The following FLNA variants were observed in gnomAD, a reference collection of about 807,000 sequenced individuals.
FLNA encodes filamin A, also known as filamin-A.
FLNA carries 7 observed loss-of-function variants against 157.6 expected under a neutral mutation model. The ratio of observed to expected loss-of-function variants is 0.04; its 90% CI spans 0.03 to 0.08. The LOEUF (loss-of-function observed/expected upper bound fraction) is 0.08. FLNA is among the 10% of genes least tolerant of loss of function. The pLI is 1.00. For synonymous variants in FLNA, 1,103 were observed against 1,060.8 expected, an observed-to-expected ratio of 1.04 and a Z score of -0.77; for missense variants, 1,750 against 2,398.4, an observed-to-expected ratio of 0.73 and a Z score of 5.65.
At position 154,367,939 on chromosome X, in the gene FLNA, C is replaced by G; in HGVS notation, c.525G>C (p.Trp175Cys). Residue 175 changes from tryptophan (W) to cysteine (C), a missense_variant, in exon 3 of 48, where the codon TGG becomes TGC. Physicochemically the swap from Trp to Cys is radical, Grantham distance 215 (BLOSUM62 -2). Around this residue, in one of 5 missense-constraint regions of FLNA, gnomAD observed 71 missense variants for 239.5 expected, o/e 0.30. Coordinates refer to ENST00000369850, the MANE Select transcript of FLNA (RefSeq NM_001110556.2). Reference protein sequence around the residue: ...KQTPKQRLLGWIQNKLPQLPI... With the variant: ...KQTPKQRLLGCIQNKLPQLPI... ...GCAGCTGCGGCAGCTTGTTCTGGATCCAGCCCAGGAGCCTCTGCTTGGGGG... is the reference window on the plus strand; with the variant it reads ...GCAGCTGCGGCAGCTTGTTCTGGATGCAGCCCAGGAGCCTCTGCTTGGGGG... 8.3e-7 allele frequency: 1 copy of G among 1,211,393 alleles called. No individual in the cohort carries two copies. Among genetic ancestry groups the G allele is most frequent in the Non-Finnish European group, 1.1e-6 (1 of 895,487 alleles).
At chrX:154,351,806 G>C in intron 42 of FLNA, 78 bp downstream of exon 42, 1 of 1,170,477 alleles carries the variant, frequency 8.5e-7, no homozygotes, top group Non-Finnish European at 1.2e-6. Context: ...GTGCCAGGCA[G>C]GGCTATCTGT....
intron 1 of FLNA, among the ~76,000 whole-genome samples, chrX:154,371,885 C>G (rs1200802839): frequency 1.8e-5 from 2 of 113,551 alleles, no homozygotes; most frequent in Non-Finnish European, 3.8e-5. Context: ...ACCCTAAGAG[C>G]GAACCCCTGG....
Position 154,366,720 on chromosome X carries a change from A to T in FLNA, c.987+12T>A, listed in dbSNP as rs368561845. On this transcript the variant is annotated intron_variant, in intron 6 of 47. Transcript: ENST00000369850. ...GCGCTGCGGGGCCTCTGCTGCCAGC[A>T]GCTGGCCCTACCTCCTCCTGGTGTC... 8.3e-7 allele frequency: 1 copy of T among 1,199,700 alleles called. No individual in the cohort carries two copies. Among genetic ancestry groups the T allele is most frequent in the Non-Finnish European group, 1.1e-6 (1 of 885,085 alleles).
At chrX:154,366,496 G>C in intron 7 of FLNA, 26 bp from the exon 8 acceptor site, 1 of 1,210,481 alleles carries the variant, frequency 8.3e-7, no homozygotes, top group East Asian at 3.0e-5. Context: ...TGGGCCGTGA[G>C]GGTAGGGCTG....
chrX:154,369,411 C>G (rs1455154028), intron 2 of FLNA, among the ~76,000 whole-genome samples: 1 of 112,156 alleles, frequency 8.9e-6, no homozygotes, highest in African/African-American at 3.2e-5. Context: ...CCATGTTAGG[C>G]CAGCCTACTC....
chrX:154,369,635 G>T (rs2067789854), intron 2 of FLNA, among the ~76,000 whole-genome samples: 1 of 111,518 alleles, frequency 9.0e-6, no homozygotes, highest in Non-Finnish European at 1.9e-5. Flanking sequence ...AGCTCACAAG[G>T]AGGAGGGGAG....
chrX:154,355,259 G>A, intron 30 of FLNA, among the ~76,000 whole-genome samples, 187 bp from the exon 31 acceptor site: 1 of 113,719 alleles, frequency 8.8e-6, no homozygotes, highest in Non-Finnish European at 1.9e-5. Flanking sequence ...AAGGCAGGAA[G>A]GTTTCTCCTG....
rs2067632662 is a variant in FLNA, at chrX:154,352,984, G to A, written c.6226+17C>T. ...GCACAGTGCTCCCGCCCCAGCTGGT[G>A]GGCAGCCACTGCCTACCTGCATCGC... is the stretch of plus-strand genomic sequence containing the variant. On this transcript the variant is annotated intron_variant, in intron 38 of 47. Coordinates refer to ENST00000369850, the MANE Select transcript of FLNA (RefSeq NM_001110556.2). 1.7e-6 allele frequency: 2 copies of A among 1,208,049 alleles called. No individual in the cohort carries two copies.
At chrX:154,351,147 G>A (rs1319259370) in intron 43 of FLNA, 106 bp from the exon 44 acceptor site, 2 of 949,700 alleles carry the variant, frequency 2.1e-6, no homozygotes, top group Admixed American at 4.6e-5. Flanking sequence ...TACCCATCTG[G>A]CGTCCAACTT....
At chrX:154,353,864 G>A (rs913723195) in intron 35 of FLNA, 51 bp downstream of exon 35, 25 of 1,206,746 alleles carry the variant, frequency 2.1e-5, no homozygotes, top group South Asian at 8.8e-5. Flanking sequence ...CCCTTACCCC[G>A]GTGAGGGCAT....
Position 154,366,063 on chromosome X carries a change from G to A in FLNA, c.1390C>T (p.Pro464Ser). 2 of 1,208,939 alleles carry A rather than the reference G, an allele frequency of 1.7e-6. No individual in the cohort carries two copies. The highest frequency in any genetic ancestry group is 3.0e-5 in the East Asian group (1 of 33,814). Residue 464 changes from proline to serine, a missense_variant, in exon 9 of 48, where the codon CCC becomes TCC. Physicochemically the swap from Pro to Ser is moderately conservative, Grantham distance 74. Around this residue, in one of 5 missense-constraint regions of FLNA, gnomAD observed 648 missense variants for 805.8 expected, o/e 0.80. Transcript: ENST00000369850. ...ACAGTGTAGGGGCTGCGAGGGATGGGCACGCCGGCAAACGTGACGTGCACG... is the reference window on the plus strand; with the variant it reads ...ACAGTGTAGGGGCTGCGAGGGATGGACACGCCGGCAAACGTGACGTGCACG... ...HTVHVTFAGV[P>S]IPRSPYTVTV...
chrX:154,351,743 C>G (rs782472440), intron 42 of FLNA, 47 bp from the exon 43 acceptor site: 1 of 1,108,443 alleles, frequency 9.0e-7, no homozygotes, highest in Admixed American at 2.2e-5. Context: ...CTTTGGGCCT[C>G]CCACCTCCCA....
In FLNA at chrX:154,366,501, G is replaced by A. The variant is rs1173006049; in HGVS notation, c.1066-31C>T. The A allele has an allele frequency of 3.3e-6, 4 of 1,209,343 alleles. No homozygotes were observed. The East Asian group carries it at 8.9e-5, about 27-fold the overall frequency. The stretch of plus-strand genomic sequence containing the variant: ...CCCAGAAGGGTGGGCCGTGAGGGTA[G>A]GGCTGGGGGCCTCCAGCCACTGCCT... On this transcript the variant is annotated intron_variant, in intron 7 of 47. Transcript: ENST00000369850.
Position 154,349,631 on chromosome X carries a change from G to C in FLNA, c.7552+18C>G. The C allele has an allele frequency of 8.3e-7, 1 of 1,210,274 alleles. No homozygotes were observed. Among genetic ancestry groups the C allele is most frequent in the Non-Finnish European group, 1.1e-6 (1 of 893,697 alleles). ...GCCGGGCGTTGGGCAGATGCCAATA[G>C]CTTGGCCCCAGGCTCACCTGTGACT... On this transcript the variant is annotated intron_variant, in intron 46 of 47. Transcript: ENST00000369850.
In FLNA at chrX:154,356,094, G is replaced by A. The variant is rs1383801598; in HGVS notation, c.4970-1022C>T. ...GCCGGCTGCCCACGCTGCCCTGGGA[G>A]GCTTCACTCATGTGCACCCCATGCC... On this transcript the variant is annotated intron_variant, in intron 30 of 47. Transcript: ENST00000369850. Among the ~76,000 whole-genome samples the A allele has an allele frequency of 3.6e-5, 4 of 112,439 alleles. No individual in the cohort carries two copies. In the East Asian group the frequency reaches 8.4e-4, roughly 24 times the overall value.
At chrX:154,358,589 A>C in intron 26 of FLNA, 21 bp from the exon 27 acceptor site, 1 of 1,207,282 alleles carries the variant, frequency 8.3e-7, no homozygotes, top group South Asian at 1.8e-5. Flanking sequence ...CCCCAGGGAC[A>C]GAGCATCAGC....
chrX:154,370,280 G>C (rs1385428627), intron 2 of FLNA, among the ~76,000 whole-genome samples: 1 of 112,714 alleles, frequency 8.9e-6, no homozygotes, highest in Non-Finnish European at 1.9e-5. Context: ...CCCGGGTGCA[G>C]TTTTGCTAAC....
chrX:154,360,612 C>G (rs2067698913), intron 21 of FLNA, 25 bp from the exon 22 acceptor site: 1 of 1,149,459 alleles, frequency 8.7e-7, no homozygotes, highest in East Asian at 3.0e-5. Context: ...GGTCAGGAGC[C>G]AAGGCCACAC....
rs1557175661 is a variant in FLNA, at chrX:154,351,032, G to A, written c.7033C>T (p.Leu2345=). Residue 2345 remains leucine (L), a synonymous_variant, in exon 44 of 48, where the codon CTA becomes TTA. Transcript: ENST00000369850. ...LTVSSLQESG[L]KVNQPASFAV... is the part of the protein sequence containing the mutation. ...AAAGAGGCTGGCTGGTTGACCTTTA[G>A]CCCTGACTCCTGGAAGCACAGCAGA... The A allele has an allele frequency of 2.1e-5, 25 of 1,211,676 alleles. No individual in the cohort carries two copies. The highest frequency in any genetic ancestry group is 2.6e-5 in the Non-Finnish European group (23 of 895,364).
Sources: allele counts gnomAD v4.1 joint callset (sites outside exome capture counted in the v4.1 genomes callset), GRCh38; gene constraint gnomAD v4.1.1; regional missense constraint gnomAD v4.1.1; transcripts MANE v1.5; gene names NCBI Gene and HGNC (gene_info 2026-07-23, HGNC 2026-07-21).